XPO7: variants seen among roughly 807,000 people sequenced by gnomAD.
The protein encoded by XPO7 is exportin-7.
Under a neutral mutation model 144.3 loss-of-function variants are expected in XPO7, and 21 were observed. The observed-to-expected ratio is 0.15, with a 90% CI of 0.10 to 0.21. The LOEUF is 0.21. XPO7 is among the 10% of genes least tolerant of loss of function. The pLI is 1.00. For missense variants in XPO7, 808 were observed against 1,325.8 expected (o/e 0.61, Z 6.06); for synonymous variants, 580 against 499.6 (o/e 1.16, Z -2.15).
intron 1 of XPO7, among the ~76,000 whole-genome samples, chr8:21,946,692 A>G (rs1166300647): frequency 6.7e-6 from 1 of 149,188 alleles, no homozygotes; most frequent in Non-Finnish European, 1.5e-5. Flanking sequence ...CCCAGGCTGA[A>G]GTTGCAATGG....
chr8:21,995,644 CTG>C, intron 21 of XPO7, 45 bp downstream of exon 21: 1 of 1,449,770 alleles, frequency 6.9e-7, no homozygotes, highest in Non-Finnish European at 9.5e-7. Context: ...GCCCTGTTAT[CTG>C]AGAGAATTTG....
At chr8:21,934,272 G>T (rs567902224) in intron 1 of XPO7, among the ~76,000 whole-genome samples, 1 of 152,264 alleles carries the variant, frequency 6.6e-6, no homozygotes, top group South Asian at 2.1e-4. Flanking sequence ...GGTGGCTCAT[G>T]CCTGTAATCC....
At chr8:21,953,632 C>T (rs1258219200) in intron 1 of XPO7, among the ~76,000 whole-genome samples, 3 of 152,208 alleles carry the variant, frequency 2.0e-5, no homozygotes, top group Non-Finnish European at 4.4e-5. Context: ...TTTGCATTCT[C>T]ACCAACAGTT....
intron 1 of XPO7, among the ~76,000 whole-genome samples, chr8:21,930,162 A>C (rs1455513414): frequency 6.6e-6 from 1 of 152,210 alleles, no homozygotes; most frequent in African/African-American, 2.4e-5. Flanking sequence ...AATTGACCAA[A>C]TGTATTTTAT....
intron 17 of XPO7, 43 bp from the exon 18 acceptor site, chr8:21,990,768 A>G (rs775516388): frequency 6.3e-7 from 1 of 1,588,852 alleles, no homozygotes; most frequent in East Asian, 2.2e-5. Context: ...TTCTGCCTCT[A>G]ACTCATGTTT....
At chr8:21,993,637 C>A (rs73223705) in intron 19 of XPO7, among the ~76,000 whole-genome samples, 55 of 152,172 alleles carry the variant, frequency 3.6e-4, no homozygotes, top group Non-Finnish European at 7.1e-4. Context: ...TGATCTGGAC[C>A]CTCCTGCTAC....
chr8:21,970,646 T>C (rs1419873651), intron 4 of XPO7, among the ~76,000 whole-genome samples: 2 of 152,220 alleles, frequency 1.3e-5, no homozygotes, highest in African/African-American at 4.8e-5. Context: ...CCAGTACATA[T>C]ATTTTGAATA....
chr8:22,001,371 A>G (rs1813141095), intron 24 of XPO7, among the ~76,000 whole-genome samples: 1 of 151,968 alleles, frequency 6.6e-6, no homozygotes, highest in East Asian at 1.9e-4. Context: ...TCAGTCCCGT[A>G]GGAATCAGAG....
chr8:21,995,622 A>C, intron 21 of XPO7, 23 bp downstream of exon 21: 1 of 1,544,974 alleles, frequency 6.5e-7, no homozygotes, highest in Non-Finnish European at 8.8e-7. Flanking sequence ...CAGAGCTTGC[A>C]AGGGCACATC....
chr8:21,994,000 G>A (rs779855736), intron 19 of XPO7, among the ~76,000 whole-genome samples: 1 of 141,248 alleles, frequency 7.1e-6, no homozygotes, highest in Non-Finnish European at 1.5e-5. Context: ...CTCCCTGGGT[G>A]GACTCAAAGC....
At chr8:21,951,712 T>A (rs552406726) in intron 1 of XPO7, among the ~76,000 whole-genome samples, 86 of 152,362 alleles carry the variant, frequency 5.6e-4, no homozygotes, top group African/African-American at 2.0e-3. Flanking sequence ...GTAGGTGTGT[T>A]GTCAACTGTT....
chr8:21,969,920 T>C, intron 3 of XPO7: 1 of 577,120 alleles, frequency 1.7e-6, no homozygotes, highest in South Asian at 2.5e-5. Flanking sequence ...GCAGCTATAC[T>C]GCAAATTCTT....
intron 24 of XPO7, 58 bp from the exon 25 acceptor site, chr8:22,002,054 A>G (rs1813167062): frequency 1.9e-6 from 3 of 1,541,048 alleles, no homozygotes; most frequent in Non-Finnish European, 2.6e-6. Context: ...AAGATAGTCC[A>G]TATTTGTCCA....
rs757751659 is a variant in XPO7, at chr8:21,974,653, CTTCT to C, written c.493-14_493-11del. On this transcript the variant is annotated splice_polypyrimidine_tract_variant and intron_variant, in intron 5 of 27. Coordinates refer to ENST00000252512, the MANE Select transcript of XPO7 (RefSeq NM_015024.5). Reference sequence around the variant, plus strand: ...TGCAATTAATTCTTTGCATTGGTTTCTTCTTTTTCTGCACAGGCAGACACCACCC... The same window carrying C: ...TGCAATTAATTCTTTGCATTGGTTTCTTTTCTGCACAGGCAGACACCACCC... The C allele has an allele frequency of 6.5e-7, 1 of 1,537,638 alleles. No homozygotes were observed. The highest frequency in any genetic ancestry group is 2.3e-5 in the East Asian group (1 of 42,864).
chr8:21,981,186 A>AT (rs1812397865), intron 9 of XPO7, among the ~76,000 whole-genome samples: 1 of 152,372 alleles, frequency 6.6e-6, no homozygotes, highest in East Asian at 1.9e-4. Context: ...GGTAGAATAG[A>AT]TTTTAAAATA....
At position 21,919,761 on chromosome 8, in the gene XPO7, A is replaced by C. The variant is rs1810199801; in HGVS notation, c.-10A>C. On this transcript the variant is annotated 5_prime_UTR_variant, in exon 1 of 28. An upstream start codon of the reference 5' UTR is lost. Transcript: ENST00000252512. ...GAGGGGGGGCCGGAGAGGAGCATGA[A>C]TGGAGCAAAATGGCGGATCATGTGC... The C allele has an allele frequency of 1.8e-6, 1 of 552,484 alleles. No individual in the cohort carries two copies. The highest frequency in any genetic ancestry group is 2.5e-6 in the Non-Finnish European group (1 of 392,750). 34.2% of individuals were successfully genotyped at this position (552,484 alleles called of 1,614,324 possible).
intron 1 of XPO7, among the ~76,000 whole-genome samples, chr8:21,927,224 TA>T (rs34887734): frequency 0.36 from 54,800 of 151,544 alleles, 10,384 homozygotes; most frequent in East Asian, 0.47. Flanking sequence ...CCAAGTCTTT[TA>T]AAAAAAATTA....
chr8:22,004,933 AAAAAG>A, intron 27 of XPO7, 57 bp from the exon 28 acceptor site: 1 of 854,834 alleles, frequency 1.2e-6, no homozygotes, highest in Admixed American at 2.6e-5. Flanking sequence ...AAAAAAAAAA[AAAAAG>A]GCAAATACCT....
Position 21,981,738 on chromosome 8 carries a change from C to T in XPO7, c.965C>T (p.Ser322Leu), listed in dbSNP as rs2117357779. Reference sequence around the variant, plus strand: ...CTCCTCTGCTACTGCCAGAGTTTATCAGACCCAAACAATTACCATGAGTTT... The same window carrying T: ...CTCCTCTGCTACTGCCAGAGTTTATTAGACCCAAACAATTACCATGAGTTT... ...KRILENPQSL[S>L]DPNNYHEFCR... The change falls in exon 10 of 28, where the codon TCA becomes TTA. Residue 322 changes from serine (S) to leucine (L), a missense_variant. Coordinates refer to ENST00000252512, the MANE Select transcript of XPO7 (RefSeq NM_015024.5). The T allele has an allele frequency of 6.2e-7, 1 of 1,613,810 alleles. No individual in the cohort carries two copies.
Sources: allele counts gnomAD v4.1 joint callset (sites outside exome capture counted in the v4.1 genomes callset), GRCh38; gene constraint gnomAD v4.1.1; transcripts MANE v1.5; gene names NCBI Gene and HGNC (gene_info 2026-07-23, HGNC 2026-07-21).